Variants in BANK1 observed in about 807,000 individuals in gnomAD.
BANK1 encodes B cell scaffold protein with ankyrin repeats 1, also known as B-cell scaffold protein with ankyrin repeats.
Under a neutral mutation model 94.5 loss-of-function variants are expected in BANK1, and 95 were observed. That is an observed-to-expected ratio of 1.00 (90% CI 0.85 to 1.19). The LOEUF (loss-of-function observed/expected upper bound fraction) is 1.19, where lower values mean the gene tolerates loss of function less well. BANK1 is among the 50% of genes most tolerant of loss of function. BANK1 has a pLI of 0.00. For missense variants in BANK1, 987 were observed against 932.2 expected (o/e 1.06, Z -0.77); for synonymous variants, 334 against 308.4 (o/e 1.08, Z -0.87).
intron 1 of BANK1, among the ~76,000 whole-genome samples, chr4:101,828,154 T>A (rs1726436033): frequency 6.6e-6 from 1 of 151,764 alleles, no homozygotes; most frequent in African/African-American, 2.4e-5. Flanking sequence ...TTTTTGTTTT[T>A]TATGCAAAAT....
chr4:101,923,504 C>T (rs1723065596), intron 7 of BANK1, among the ~76,000 whole-genome samples: 1 of 151,682 alleles, frequency 6.6e-6, no homozygotes, highest in East Asian at 1.9e-4. Context: ...TTTCTTTGAC[C>T]CTGCCCTCTT....
chr4:101,960,261 G>T (rs919031590), intron 7 of BANK1, among the ~76,000 whole-genome samples: 3 of 152,106 alleles, frequency 2.0e-5, no homozygotes, highest in African/African-American at 7.2e-5. Flanking sequence ...AAAAGGTTGG[G>T]TCATCATGGC....
At chr4:102,008,680 G>A (rs1726385558) in intron 7 of BANK1, among the ~76,000 whole-genome samples, 1 of 152,106 alleles carries the variant, frequency 6.6e-6, no homozygotes, top group African/African-American at 2.4e-5. Context: ...CTATATTACT[G>A]TGAAACTTAT....
intron 2 of BANK1, among the ~76,000 whole-genome samples, chr4:101,837,718 A>C (rs370419761): frequency 1.2e-4 from 18 of 152,338 alleles, no homozygotes; most frequent in South Asian, 8.3e-4. Flanking sequence ...TTGAAGAATG[A>C]AACTCAAACA....
At chr4:101,814,351 T>C (rs953810261) in intron 1 of BANK1, among the ~76,000 whole-genome samples, 2 of 152,210 alleles carry the variant, frequency 1.3e-5, no homozygotes, top group Non-Finnish European at 2.9e-5. Context: ...AAGTCATGAT[T>C]ATGCTTACTG....
chr4:101,870,450 T>C (rs1578368751), intron 4 of BANK1, 55 bp from the exon 5 acceptor site: 1 of 1,444,120 alleles, frequency 6.9e-7, no homozygotes, highest in Non-Finnish European at 9.3e-7. Context: ...AAAGATGTAA[T>C]AGTATGAATA....
chr4:101,791,642 C>G (rs909365214), intron 1 of BANK1, among the ~76,000 whole-genome samples: 13 of 152,304 alleles, frequency 8.5e-5, no homozygotes, highest in Non-Finnish European at 1.6e-4. Flanking sequence ...AATTAAAAAA[C>G]TTCACTTAGG....
At chr4:101,941,787 G>A (rs1295860842) in intron 7 of BANK1, among the ~76,000 whole-genome samples, 4 of 151,676 alleles carry the variant, frequency 2.6e-5, no homozygotes, top group Non-Finnish European at 2.9e-5. Flanking sequence ...AAGTTAGGAG[G>A]TTTGAATTGT....
intron 5 of BANK1, among the ~76,000 whole-genome samples, chr4:101,880,996 C>T (rs1012377902): frequency 2.0e-5 from 3 of 152,212 alleles, no homozygotes; most frequent in Middle Eastern, 6.8e-3. Context: ...AACAACTCTC[C>T]AGGACATTGG....
chr4:101,993,406 G>A, intron 7 of BANK1, among the ~76,000 whole-genome samples: 1 of 152,204 alleles, frequency 6.6e-6, no homozygotes, highest in Non-Finnish European at 1.5e-5. Flanking sequence ...TCATTTTTCT[G>A]ATTCTAGAAT....
intron 7 of BANK1, among the ~76,000 whole-genome samples, chr4:101,936,586 A>G (rs1482249005): frequency 2.0e-5 from 3 of 150,784 alleles, no homozygotes; most frequent in African/African-American, 7.3e-5. Flanking sequence ...ATGTGTGTGT[A>G]TATATATAAC....
chr4:101,996,150 A>G (rs1355692809), intron 7 of BANK1, among the ~76,000 whole-genome samples: 1 of 152,208 alleles, frequency 6.6e-6, no homozygotes, highest in East Asian at 1.9e-4. Flanking sequence ...GCATATGGCT[A>G]GCCAGTTTTC....
intron 1 of BANK1, among the ~76,000 whole-genome samples, chr4:101,796,754 T>C (rs991756654): frequency 4.6e-5 from 7 of 152,226 alleles, no homozygotes; most frequent in Non-Finnish European, 1.0e-4. Flanking sequence ...AGGATATTTT[T>C]ACTTATCTGA....
intron 5 of BANK1, among the ~76,000 whole-genome samples, chr4:101,880,141 G>A (rs1169048837): frequency 6.6e-6 from 1 of 152,066 alleles, no homozygotes; most frequent in Non-Finnish European, 1.5e-5. Context: ...AAAGGAAGAA[G>A]TCAAATTATC....
chr4:102,069,982 C>G (rs2129292), intron 13 of BANK1, among the ~76,000 whole-genome samples: 90,260 of 151,804 alleles, frequency 0.59, 27,154 homozygotes, highest in African/African-American at 0.65. Context: ...AGTAGAAATT[C>G]TTAGGGGTGG....
chr4:101,799,300 T>C (rs1725268035), intron 1 of BANK1, among the ~76,000 whole-genome samples: 1 of 152,214 alleles, frequency 6.6e-6, no homozygotes, highest in African/African-American at 2.4e-5. Flanking sequence ...CTGAGGGCTC[T>C]GTTCTGTTCC....
chr4:102,025,259 T>G lies in BANK1; in HGVS notation c.1344T>G (p.Asp448Glu). 1 of 1,614,042 alleles carries G rather than the reference T, an allele frequency of 6.2e-7. No homozygotes were observed. Among genetic ancestry groups the G allele is most frequent in the South Asian group, 1.1e-5 (1 of 91,074 alleles). Residue 448 changes from aspartate (D) to glutamate (E), a missense_variant, in exon 9 of 17, where the codon GAT (aspartate) becomes GAG (glutamate). Coordinates refer to ENST00000322953, the MANE Select transcript of BANK1 (RefSeq NM_017935.5). ...GGAAGACATACGGGCAGAGTGCAGA[T>G]GGAGCTGAGGCAAATGAAATGGAAG... ...ESRKTYGQSA[D>E]GAEANEMEGE...
intron 5 of BANK1, among the ~76,000 whole-genome samples, chr4:101,890,346 T>G (rs1001255834): frequency 6.6e-6 from 1 of 152,020 alleles, no homozygotes; most frequent in Admixed American, 6.6e-5. Flanking sequence ...GAAGTTTTGT[T>G]TTTTGGTGCA....
chr4:101,955,548 CCTGTATATTATT>C (rs1407121883), intron 7 of BANK1, among the ~76,000 whole-genome samples: 1 of 151,950 alleles, frequency 6.6e-6, no homozygotes, highest in Non-Finnish European at 1.5e-5. Context: ...CAAATGATGT[CCTGTATATTATT>C]CTACCATCAA....
Sources: gnomAD v4.1 joint callset for allele counts (sites outside exome capture counted in the v4.1 genomes callset) on GRCh38, gnomAD v4.1.1 for gene constraint, MANE v1.5 for transcripts, NCBI Gene and HGNC (gene_info 2026-07-23, HGNC 2026-07-21) for gene names.